LRATD1: variants seen among roughly 807,000 people sequenced by gnomAD.
The protein encoded by LRATD1 is protein LRATD1.
In LRATD1, 8 loss-of-function variants were observed where a neutral mutation model predicts 21.3. The observed-to-expected ratio is 0.38, with a 90% CI of 0.22 to 0.68. LRATD1 has a LOEUF of 0.68. Ranked by LOEUF, LRATD1 falls within the 30% of genes least tolerant of loss-of-function variation. The probability of loss-of-function intolerance (pLI) is 0.54; values close to 1 mark genes in which losing one functional copy is unlikely to be tolerated. For synonymous variants in LRATD1, 210 were observed against 186.2 expected, an observed-to-expected ratio of 1.13 and a Z score of -1.04; for missense variants, 380 against 404.0, an observed-to-expected ratio of 0.94 and a Z score of 0.51.
Position 14,633,681 on chromosome 2 carries a change from G to A in LRATD1, c.-36-263G>A, listed in dbSNP as rs1572294261. ...ACCCCGCAAGCTCTCCAGCCAGCCTGGGTGTTTTCTTCTGGGAGTTGGACC... is the reference window on the plus strand; with the variant it reads ...ACCCCGCAAGCTCTCCAGCCAGCCTAGGTGTTTTCTTCTGGGAGTTGGACC... On this transcript the variant is annotated intron_variant, in intron 1 of 1. Transcript: ENST00000295092. This position sits in a 1 kb window ranked among gnomAD's most constrained non-coding sequence, Gnocchi z 7.5. 5.0e-6 allele frequency: 2 copies of A among 396,166 alleles called. No homozygotes were observed. The highest frequency in any genetic ancestry group is 9.2e-6 in the Non-Finnish European group (2 of 218,446). 24.5% of individuals were successfully genotyped at this position (396,166 alleles called of 1,614,324 possible).
In LRATD1 at chr2:14,634,930, G is replaced by A. The variant is rs1162613638; in HGVS notation, c.*72G>A. The stretch of plus-strand genomic sequence containing the variant: ...CTTCCCTTCCCCGCACCCGGACTTC[G>A]CAGTCAGCGGTTCTCAACCTCTGCC... On this transcript the variant is annotated 3_prime_UTR_variant, in exon 2 of 2. Transcript: ENST00000295092. 1.1e-5 allele frequency: 17 copies of A among 1,501,356 alleles called. No individual in the cohort carries two copies. Among genetic ancestry groups the A allele is most frequent in the Non-Finnish European group, 1.3e-5 (14 of 1,117,204 alleles). The allele number at this position is 1,501,356 out of a possible 1,614,324, so 93.0% of individuals were successfully genotyped here. A position where few individuals can be genotyped will look rare whatever the true frequency, so the allele number is the denominator to read the frequency against.
chr2:14,633,998 C>A lies in LRATD1; in HGVS notation c.19C>A (p.Arg7Ser). The A allele has an allele frequency of 6.2e-7, 1 of 1,613,102 alleles. No individual in the cohort carries two copies. The highest frequency in any genetic ancestry group is 8.5e-7 in the Non-Finnish European group (1 of 1,179,382). Residue 7 changes from arginine to serine, a missense_variant, in exon 2 of 2, where the codon CGC becomes AGC. By Grantham distance (110) the Arg-to-Ser change is moderately radical. Transcript: ENST00000295092. This position sits in a 1 kb window ranked among gnomAD's most constrained non-coding sequence, Gnocchi z 7.5. ...CTCATTGATGGGCAACCAACTGGAC[C>A]GCATCACCCACCTCAACTACAGCGA... MGNQLD[R>S]ITHLNYSELP...
In LRATD1 at chr2:14,637,297, A is replaced by G. The variant is rs1028995459; in HGVS notation, c.*2439A>G. On this transcript the variant is annotated 3_prime_UTR_variant, in exon 2 of 2. Transcript: ENST00000295092. The stretch of plus-strand genomic sequence containing the variant: ...ACTCAAAGAGTGGGACTTCATCAAA[A>G]GAAATGAATTAGTCTCTATCACACC... The G allele has an allele frequency of 9.6e-5, 16 of 166,972 alleles. No homozygotes were observed. The highest frequency in any genetic ancestry group is 5.9e-4 in the Admixed American group (9 of 15,292). The allele number at this position is 166,972 out of a possible 1,614,324, so 10.3% of individuals were successfully genotyped here. A position where few individuals can be genotyped will look rare whatever the true frequency, so the allele number is the denominator to read the frequency against.
At chr2:14,646,046 G>C (rs918157606) in intron 2 of LRATD1, 1 of 151,834 alleles carries the variant, frequency 6.6e-6, no homozygotes, top group Non-Finnish European at 1.5e-5. Flanking sequence ...ACATCTGTCT[G>C]TCCTTTGTAA....
At chr2:14,651,255 G>A (rs542720404), downstream of LRATD1, among the ~76,000 whole-genome samples, 9 of 151,872 alleles carry the variant, frequency 5.9e-5, no homozygotes, top group East Asian at 1.9e-4. Flanking sequence ...TCATAGATCC[G>A]TCTAAGACTA....
chr2:14,634,791 G>A lies in LRATD1; in HGVS notation c.812G>A (p.Arg271His). ...SLEDLIREKRRIDASGRLRVL... is the reference protein window; with the variant it reads ...SLEDLIREKRHIDASGRLRVL... ...GAAGACCTCATCCGCGAGAAGCGCC[G>A]TATCGACGCCAGCGGCCGCCTGCGA... Residue 271 changes from arginine (R) to histidine (H), a missense_variant, in exon 2 of 2, where the codon CGT (arginine) becomes CAT (histidine). Coordinates refer to ENST00000295092, the MANE Select transcript of LRATD1 (RefSeq NM_145175.4). 6 of 1,604,082 alleles carry A rather than the reference G, an allele frequency of 3.7e-6. No homozygotes were observed. Among genetic ancestry groups the A allele is most frequent in the Non-Finnish European group, 4.3e-6 (5 of 1,174,398 alleles).
At chr2:14,649,933 A>G (rs1671974178), downstream of LRATD1, 1 of 152,916 alleles carries the variant, frequency 6.5e-6, no homozygotes, top group Non-Finnish European at 1.5e-5. Flanking sequence ...CTCACTTCTA[A>G]CACCATGTGA....
At position 14,637,413 on chromosome 2, in the gene LRATD1, A is replaced by G. The variant is rs890926397; in HGVS notation, c.*2555A>G. The G allele has an allele frequency of 6.0e-6, 1 of 167,028 alleles. No individual in the cohort carries two copies. 10.3% of individuals were successfully genotyped at this position (167,028 alleles called of 1,614,324 possible). On this transcript the variant is annotated 3_prime_UTR_variant, in exon 2 of 2. Transcript: ENST00000295092. ...TAGAGGAATGTCTTGTCAGTTTTAT[A>G]CTTGCTGAGGCTAGACTGACAATAA... is the stretch of plus-strand genomic sequence containing the variant.
At chr2:14,647,735 T>C (rs1671919793) in intron 4 of LRATD1, among the ~76,000 whole-genome samples, 1 of 152,160 alleles carries the variant, frequency 6.6e-6, no homozygotes, top group South Asian at 2.1e-4. Context: ...CACTGTGATC[T>C]CAGATTTTCA....
At chr2:14,645,387 A>C (rs542331387) in intron 2 of LRATD1, among the ~76,000 whole-genome samples, 1 of 152,222 alleles carries the variant, frequency 6.6e-6, no homozygotes, top group Non-Finnish European at 1.5e-5. Flanking sequence ...CTGGACTGCA[A>C]TTCCTTAATG....
rs1312810204 is a variant in LRATD1 at position 14,639,693 on chromosome 2, A to C, written c.*4835A>C. 1.2e-5 allele frequency: 2 copies of C among 167,094 alleles called. No homozygotes were observed. Among genetic ancestry groups the C allele is most frequent in the African/African-American group, 2.4e-5 (1 of 41,442 alleles). The allele number at this position is 167,094 out of a possible 1,614,324, so 10.4% of individuals were successfully genotyped here. The stretch of plus-strand genomic sequence containing the variant: ...TAATTACTGTATTTTTTGGCAGAAC[A>C]CTCAGATGAACAGATTCCTATGCTG... On this transcript the variant is annotated 3_prime_UTR_variant, in exon 2 of 2. Transcript: ENST00000295092.
rs1238742009 is a variant in LRATD1 at position 14,638,231 on chromosome 2, A to C, written c.*3373A>C. On this transcript the variant is annotated 3_prime_UTR_variant, in exon 2 of 2. Coordinates refer to ENST00000295092, the MANE Select transcript of LRATD1 (RefSeq NM_145175.4). ...TACATTCCAAAAAAAAAAAAAAAAA[A>C]AAACTATAGAATTTACGTATGTTAC... is the stretch of plus-strand genomic sequence containing the variant. 1 of 165,946 alleles carries C rather than the reference A, an allele frequency of 6.0e-6. No homozygotes were observed. The highest frequency in any genetic ancestry group is 1.5e-5 in the Non-Finnish European group (1 of 67,762). The allele number at this position is 165,946 out of a possible 1,614,324, so 10.3% of individuals were successfully genotyped here.
At chr2:14,647,602 G>A (rs561797157) in intron 4 of LRATD1, among the ~76,000 whole-genome samples, 1 of 152,158 alleles carries the variant, frequency 6.6e-6, no homozygotes, top group Non-Finnish European at 1.5e-5. Flanking sequence ...AATTGGAATA[G>A]TACCCCTATA....
Position 14,634,801 on chromosome 2 carries a change from C to G in LRATD1, c.822C>G (p.Ala274=), listed in dbSNP as rs759711572. 119 of 1,606,822 alleles carry G rather than the reference C, an allele frequency of 7.4e-5. 1 individual carries two copies. The Admixed American group carries it at 2.0e-3, about 27-fold the overall frequency. ...DLIREKRRID[A]SGRLRVLQEL... ...TCCGCGAGAAGCGCCGTATCGACGCCAGCGGCCGCCTGCGAGTGCTCCAGG... is the reference window on the plus strand; with the variant it reads ...TCCGCGAGAAGCGCCGTATCGACGCGAGCGGCCGCCTGCGAGTGCTCCAGG... The change falls in exon 2 of 2, where the codon GCC becomes GCG. Residue 274 remains alanine (A), a synonymous_variant. Transcript: ENST00000295092.
downstream of LRATD1, among the ~76,000 whole-genome samples, chr2:14,641,428 A>C (rs915845285): frequency 1.1e-4 from 16 of 152,210 alleles, no homozygotes; most frequent in Admixed American, 9.8e-4. Flanking sequence ...GATATGACGA[A>C]TACTTTCCTA....
chr2:14,643,905 C>T (rs1490991020), downstream of LRATD1, among the ~76,000 whole-genome samples: 1 of 152,188 alleles, frequency 6.6e-6, no homozygotes, highest in Non-Finnish European at 1.5e-5. Flanking sequence ...TGTCTTGGCA[C>T]TTTGATCTTT....
In LRATD1 at chr2:14,639,302, T is replaced by C. The variant is rs1364904150; in HGVS notation, c.*4444T>C. 6.0e-6 allele frequency: 1 copy of C among 167,076 alleles called. No homozygotes were observed. Among genetic ancestry groups the C allele is most frequent in the African/African-American group, 2.4e-5 (1 of 41,460 alleles). 10.3% of individuals were successfully genotyped at this position (167,076 alleles called of 1,614,324 possible). A position where few individuals can be genotyped will look rare whatever the true frequency, so the allele number is the denominator to read the frequency against. ...ATTCTCATTTTTTGGAAGAATATGT[T>C]CCTGGTTTCTCTAACTAAAAGGAAA... On this transcript the variant is annotated 3_prime_UTR_variant, in exon 2 of 2. Coordinates refer to ENST00000295092, the MANE Select transcript of LRATD1 (RefSeq NM_145175.4).
Position 14,633,834 on chromosome 2 carries a change from G to C in LRATD1, c.-36-110G>C, listed in dbSNP as rs1671608701. 1.8e-6 allele frequency: 2 copies of C among 1,096,314 alleles called. No homozygotes were observed. The highest frequency in any genetic ancestry group is 3.2e-5 in the African/African-American group (2 of 62,936). The allele number at this position is 1,096,314 out of a possible 1,614,324, so 67.9% of individuals were successfully genotyped here. ...GGCTGGAAAGGGTGACTCCGGTGAG[G>C]GCACGTAAGCTAGCCGGCAGGTCCC... On this transcript the variant is annotated intron_variant, in intron 1 of 1. Transcript: ENST00000295092. This position sits in a 1 kb window ranked among gnomAD's most constrained non-coding sequence, Gnocchi z 7.5.
Position 14,637,328 on chromosome 2 carries a change from C to T in LRATD1, c.*2470C>T, listed in dbSNP as rs912714957. 1 of 166,996 alleles carries T rather than the reference C, an allele frequency of 6.0e-6. No homozygotes were observed. Among genetic ancestry groups the T allele is most frequent in the Non-Finnish European group, 1.5e-5 (1 of 68,120 alleles). 10.3% of individuals were successfully genotyped at this position (166,996 alleles called of 1,614,324 possible). A position where few individuals can be genotyped will look rare whatever the true frequency, so the allele number is the denominator to read the frequency against. On this transcript the variant is annotated 3_prime_UTR_variant, in exon 2 of 2. Transcript: ENST00000295092. ...GAATTAGTCTCTATCACACCGAATACTAAGATTTATTTCCTCTGATGGTAC... is the reference window on the plus strand; with the variant it reads ...GAATTAGTCTCTATCACACCGAATATTAAGATTTATTTCCTCTGATGGTAC...
Sources: gnomAD v4.1 joint callset for allele counts (sites outside exome capture counted in the v4.1 genomes callset) on GRCh38, gnomAD v4.1.1 for gene constraint, Gnocchi (gnomAD v3.1) non-coding constraint, MANE v1.5 for transcripts, NCBI Gene and HGNC (gene_info 2026-07-23, HGNC 2026-07-21) for gene names.